Variants in COL21A1 observed in about 807,000 individuals in gnomAD.
COL21A1 encodes collagen type XXI alpha 1 chain.
COL21A1 carries 149 observed loss-of-function variants against 137.9 expected under a neutral mutation model. The observed-to-expected ratio is 1.08, with a 90% CI of 0.95 to 1.24. The LOEUF is 1.24. Ranked by LOEUF, COL21A1 falls within the 50% of genes most tolerant of loss-of-function variation. COL21A1 has a pLI of 0.00. For missense variants in COL21A1, 1,167 were observed against 1,158.4 expected (o/e 1.01, Z -0.11); for synonymous variants, 456 against 391.5 (o/e 1.16, Z -1.95).
intron 1 of COL21A1, among the ~76,000 whole-genome samples, chr6:56,345,129 G>A (rs538358096): frequency 4.6e-5 from 7 of 152,228 alleles, no homozygotes; most frequent in Middle Eastern, 3.4e-3. Context: ...GGTGACAAAA[G>A]GCAGAATCTG....
intron 3 of COL21A1, among the ~76,000 whole-genome samples, chr6:56,173,520 G>GA (rs1462202716): frequency 3.9e-5 from 6 of 151,980 alleles, no homozygotes; most frequent in East Asian, 1.9e-4. Flanking sequence ...GTGAAAAAAT[G>GA]AAAAAAGATA....
intron 17 of COL21A1, among the ~76,000 whole-genome samples, chr6:56,100,848 C>A (rs4295484): frequency 0.15 from 23,129 of 152,160 alleles, 1,788 homozygotes; most frequent in Middle Eastern, 0.22. Flanking sequence ...AAATGTGATA[C>A]AAATACACCT....
intron 1 of COL21A1, among the ~76,000 whole-genome samples, chr6:56,373,616 C>CA (rs1217374411): frequency 9.2e-5 from 14 of 151,986 alleles, no homozygotes; most frequent in African/African-American, 3.4e-4. Context: ...AACAAACAAA[C>CA]AAAAAAGTTT....
intron 10 of COL21A1, among the ~76,000 whole-genome samples, chr6:56,142,961 T>C (rs1048287440): frequency 1.3e-5 from 2 of 152,188 alleles, no homozygotes; most frequent in African/African-American, 2.4e-5. Flanking sequence ...GTCTTCATAT[T>C]CATCCACTCA....
intron 1 of COL21A1, among the ~76,000 whole-genome samples, chr6:56,215,195 G>A (rs1652693553): frequency 1.3e-5 from 2 of 152,020 alleles, no homozygotes; most frequent in Admixed American, 1.3e-4. Flanking sequence ...GTCTTCATTT[G>A]ATTCCGTCCA....
chr6:56,361,778 G>T (rs1765973660), intron 1 of COL21A1, among the ~76,000 whole-genome samples: 1 of 150,956 alleles, frequency 6.6e-6, no homozygotes, highest in African/African-American at 2.4e-5. Flanking sequence ...GTGTGTGTGT[G>T]GTGTGTGTGT....
chr6:56,228,354 A>T (rs1363945662), intron 1 of COL21A1, among the ~76,000 whole-genome samples: 1 of 151,772 alleles, frequency 6.6e-6, no homozygotes, highest in Non-Finnish European at 1.5e-5. Flanking sequence ...GGCATTCAGG[A>T]GTTAAAACGG....
In COL21A1 at chr6:56,179,921, A is replaced by T. The variant is rs764459546; in HGVS notation, c.297T>A (p.His99Gln). 6.2e-7 allele frequency: 1 copy of T among 1,613,918 alleles called. No homozygotes were observed. Among genetic ancestry groups the T allele is most frequent in the Admixed American group, 1.7e-5 (1 of 59,980 alleles). The stretch of plus-strand genomic sequence containing the variant: ...GTATGGATTCCACTGCTGCCGTCAA[A>T]TGTTCTCCTGAATCATAGCTTCCGA... ...IPLGSYDSGE[H>Q]LTAAVESILY... The change falls in exon 3 of 30, where the codon CAT becomes CAA. Residue 99 changes from histidine to glutamine, a missense_variant. By Grantham distance (24) the His-to-Gln change is conservative (BLOSUM62 0). Coordinates refer to ENST00000244728, the MANE Select transcript of COL21A1 (RefSeq NM_030820.4).
chr6:56,168,273 G>T lies in COL21A1; in HGVS notation c.1051C>A (p.Gln351Lys). The T allele has an allele frequency of 6.5e-7, 1 of 1,542,424 alleles. No individual in the cohort carries two copies. The highest frequency in any genetic ancestry group is 8.8e-7 in the Non-Finnish European group (1 of 1,138,144). Reference protein sequence around the residue: ...VKTLFDEGWHQIRLLVTEQDV... With the variant: ...VKTLFDEGWHKIRLLVTEQDV... ...TGTTCTGTTACTAAGAGACGAATTT[G>T]GTGCCAGCCTTCATCAAACAACGTC... Residue 351 changes from glutamine to lysine, a missense_variant, in exon 6 of 30, where the codon CAA becomes AAA. Physicochemically the swap from Gln to Lys is moderately conservative, Grantham distance 53 (BLOSUM62 1). Transcript: ENST00000244728.
chr6:56,219,783 A>G (rs1044545925), intron 1 of COL21A1, among the ~76,000 whole-genome samples: 1 of 152,080 alleles, frequency 6.6e-6, no homozygotes, highest in Admixed American at 6.6e-5. Flanking sequence ...TGTTGCAATG[A>G]ATATTTTTGC....
intron 1 of COL21A1, among the ~76,000 whole-genome samples, chr6:56,207,075 C>T (rs1448200253): frequency 6.6e-6 from 1 of 151,900 alleles, no homozygotes; most frequent in East Asian, 1.9e-4. Context: ...TAAATGCCCA[C>T]AAGAGGAAGC....
chr6:56,372,129 A>C (rs528207043), intron 1 of COL21A1, among the ~76,000 whole-genome samples: 2 of 152,230 alleles, frequency 1.3e-5, no homozygotes, highest in East Asian at 3.9e-4. Flanking sequence ...AGATATGCCA[A>C]CTCCTGGAGA....
chr6:56,205,859 C>T (rs1779744525), intron 1 of COL21A1, among the ~76,000 whole-genome samples: 1 of 152,126 alleles, frequency 6.6e-6, no homozygotes, highest in Non-Finnish European at 1.5e-5. Context: ...ATTTGCAACG[C>T]AGAATTTCAT....
At chr6:56,347,472 G>C (rs1414307276) in intron 1 of COL21A1, among the ~76,000 whole-genome samples, 2 of 145,940 alleles carry the variant, frequency 1.4e-5, no homozygotes, top group Admixed American at 7.0e-5. Flanking sequence ...GTTTACAGAA[G>C]TGTTCTCCTA....
chr6:56,255,334 GGTGTGTGTGT>G (rs71783697), intron 1 of COL21A1, among the ~76,000 whole-genome samples: 2,523 of 145,510 alleles, frequency 0.017, 76 homozygotes, highest in African/African-American at 0.058. Context: ...TTGTTAAGAG[GGTGTGTGTGT>G]GTGTGTGTGT....
At chr6:56,186,350 C>G (rs575938732) in intron 1 of COL21A1, among the ~76,000 whole-genome samples, 3 of 152,244 alleles carry the variant, frequency 2.0e-5, no homozygotes, top group East Asian at 1.9e-4. Context: ...AGGACTTAAC[C>G]TATGAATGTG....
intron 1 of COL21A1, among the ~76,000 whole-genome samples, chr6:56,285,773 T>C: frequency 6.6e-6 from 1 of 151,834 alleles, no homozygotes; most frequent in Non-Finnish European, 1.5e-5. Flanking sequence ...TCCAGGACCC[T>C]GCTAACCCCT....
intron 16 of COL21A1, among the ~76,000 whole-genome samples, chr6:56,102,243 A>G (rs937065839): frequency 2.0e-5 from 3 of 152,216 alleles, no homozygotes; most frequent in Admixed American, 1.3e-4. Context: ...CCTAAAATGT[A>G]TAATATCTGC....
intron 1 of COL21A1, among the ~76,000 whole-genome samples, chr6:56,273,376 T>A (rs200277284): frequency 7.8e-6 from 1 of 127,482 alleles, no homozygotes; most frequent in Non-Finnish European, 1.7e-5. Flanking sequence ...AGAAATAAAT[T>A]AGAAAAGAAG....
Sources: gnomAD v4.1 joint callset for allele counts (sites outside exome capture counted in the v4.1 genomes callset) on GRCh38, gnomAD v4.1.1 for gene constraint, MANE v1.5 for transcripts, NCBI Gene and HGNC (gene_info 2026-07-23, HGNC 2026-07-21) for gene names.